ZC3H12B: variants seen among roughly 807,000 people sequenced by gnomAD.
ZC3H12B encodes the protein zinc finger CCCH-type containing 12B.
In ZC3H12B, 7 loss-of-function variants were observed where a neutral mutation model predicts 43.9. That is an observed-to-expected ratio of 0.16 (90% CI 0.09 to 0.30). The LOEUF (loss-of-function observed/expected upper bound fraction) is 0.30. Ranked by LOEUF, ZC3H12B falls within the 10% of genes least tolerant of loss-of-function variation. ZC3H12B has a pLI of 1.00. For missense variants in ZC3H12B, 475 were observed against 670.2 expected (o/e 0.71, Z 3.22); for synonymous variants, 222 against 241.7 (o/e 0.92, Z 0.76).
At chrX:65,253,854 GCA>G in the ZC3H12B span, among the ~76,000 whole-genome samples, 1 of 112,157 alleles carries the variant, frequency 8.9e-6, no homozygotes, top group Admixed American at 9.4e-5. Flanking sequence ...TGTTTTGCTG[GCA>G]CACACCCACA....
chrX:65,205,594 G>A, the ZC3H12B span, among the ~76,000 whole-genome samples: 1 of 111,330 alleles, frequency 9.0e-6, no homozygotes, highest in East Asian at 2.8e-4. Context: ...AAAGTTGAAA[G>A]CATTCCCCCT....
chrX:65,320,935 T>G, the ZC3H12B span, among the ~76,000 whole-genome samples: 1 of 111,997 alleles, frequency 8.9e-6, no homozygotes, highest in Non-Finnish European at 1.9e-5. Context: ...AACCAAAAAC[T>G]ATGAAAACTC....
chrX:65,285,823 G>A, the ZC3H12B span, among the ~76,000 whole-genome samples: 562 of 111,075 alleles, frequency 5.1e-3, 1 homozygote, highest in Non-Finnish European at 7.9e-3. Context: ...AAATGGCACC[G>A]CTATGGAAAT....
At chrX:65,296,898 A>T in the ZC3H12B span, among the ~76,000 whole-genome samples, 1 of 111,829 alleles carries the variant, frequency 8.9e-6, no homozygotes, top group African/African-American at 3.2e-5. Flanking sequence ...TAATTAAAAA[A>T]AATTATGTGA....
the ZC3H12B span, among the ~76,000 whole-genome samples, chrX:65,063,879 G>T: frequency 8.9e-6 from 1 of 111,794 alleles, no homozygotes; most frequent in Admixed American, 9.5e-5. Flanking sequence ...TCCTGGTTTA[G>T]TCTTGGTAGG....
chrX:65,223,394 C>G, the ZC3H12B span, among the ~76,000 whole-genome samples: 1 of 111,508 alleles, frequency 9.0e-6, no homozygotes, highest in African/African-American at 3.3e-5. Flanking sequence ...TCAGAAAAAC[C>G]ATTTTAGGCA....
the ZC3H12B span, among the ~76,000 whole-genome samples, chrX:65,316,580 T>A: frequency 9.0e-6 from 1 of 111,630 alleles, no homozygotes; most frequent in Non-Finnish European, 1.9e-5. Flanking sequence ...AAAAGGTTAT[T>A]TTGAGAGAAG....
At chrX:65,449,578 C>T (rs1386002914) in intron 3 of ZC3H12B, among the ~76,000 whole-genome samples, 3 of 110,517 alleles carry the variant, frequency 2.7e-5, no homozygotes, top group East Asian at 2.8e-4. Context: ...AAGATCACAC[C>T]ACTCCACTTT....
At chrX:65,472,391 G>GT (rs201239405) in intron 3 of ZC3H12B, among the ~76,000 whole-genome samples, 125 of 86,835 alleles carry the variant, frequency 1.4e-3, no homozygotes, top group Non-Finnish European at 1.9e-3. Flanking sequence ...TGTTTTTTTT[G>GT]TTTTTTTTGT....
chrX:65,265,151 C>T, the ZC3H12B span, among the ~76,000 whole-genome samples: 176 of 111,891 alleles, frequency 1.6e-3, 2 homozygotes, highest in African/African-American at 5.6e-3. Flanking sequence ...TATCTTCTGA[C>T]GTAAGTAATA....
intron 3 of ZC3H12B, among the ~76,000 whole-genome samples, chrX:65,426,428 G>A (rs1344855037): frequency 2.0e-5 from 2 of 101,059 alleles, no homozygotes; most frequent in Non-Finnish European, 3.9e-5. Flanking sequence ...ACAGCTCCTG[G>A]ATTTGCTGAT....
the ZC3H12B span, among the ~76,000 whole-genome samples, chrX:65,228,889 C>G: frequency 8.9e-6 from 1 of 111,852 alleles, no homozygotes; most frequent in Non-Finnish European, 1.9e-5. Context: ...AAAGAGCATA[C>G]AAACAAATGG....
chrX:65,116,095 T>C, the ZC3H12B span, among the ~76,000 whole-genome samples: 12 of 111,533 alleles, frequency 1.1e-4, no homozygotes, highest in African/African-American at 3.9e-4. Flanking sequence ...GCATTTGCTT[T>C]TGGGTTCTTG....
chrX:65,090,779 G>A, the ZC3H12B span, among the ~76,000 whole-genome samples: 4 of 111,634 alleles, frequency 3.6e-5, no homozygotes, highest in Non-Finnish European at 5.6e-5. Context: ...ATACTGAATT[G>A]TAATCCCCAG....
chrX:65,467,742 A>G (rs756396130), intron 3 of ZC3H12B, among the ~76,000 whole-genome samples: 1 of 112,219 alleles, frequency 8.9e-6, no homozygotes, highest in Non-Finnish European at 1.9e-5. Context: ...GGCCATTTGT[A>G]TATCTCCTTT....
At chrX:65,192,243 G>C in the ZC3H12B span, among the ~76,000 whole-genome samples, 1 of 110,982 alleles carries the variant, frequency 9.0e-6, no homozygotes, top group Non-Finnish European at 1.9e-5. Flanking sequence ...TTTTGGAATA[G>C]GTGTGGTGTG....
chrX:65,438,000 T>A (rs1254021336), intron 3 of ZC3H12B, among the ~76,000 whole-genome samples: 1 of 112,627 alleles, frequency 8.9e-6, no homozygotes, highest in African/African-American at 3.2e-5. Context: ...GAGATTGTCC[T>A]TTCCCCATTA....
the ZC3H12B span, among the ~76,000 whole-genome samples, chrX:65,188,953 C>G: frequency 9.6e-5 from 7 of 72,999 alleles, no homozygotes; most frequent in Non-Finnish European, 1.5e-4. Context: ...CCCCTCCCCC[C>G]ACCCCACCAC....
the ZC3H12B span, among the ~76,000 whole-genome samples, chrX:65,068,192 C>G: frequency 1.0e-5 from 1 of 99,823 alleles, no homozygotes; most frequent in African/African-American, 3.8e-5. Context: ...ATTCATTCAG[C>G]TAGGTTATTT....
Sources: gnomAD v4.1 joint callset for allele counts (sites outside exome capture counted in the v4.1 genomes callset) on GRCh38, gnomAD v4.1.1 for gene constraint, MANE v1.5 for transcripts, NCBI Gene and HGNC (gene_info 2026-07-23, HGNC 2026-07-21) for gene names.